The following ITPR2 variants were observed in gnomAD, a reference collection of about 807,000 sequenced individuals.
ITPR2 encodes inositol 1,4,5-trisphosphate-gated calcium channel ITPR2.
In ITPR2, 207 loss-of-function variants were observed where a neutral mutation model predicts 317.1. That is an observed-to-expected ratio of 0.65 (90% confidence interval 0.58 to 0.73). ITPR2 has a LOEUF of 0.73. Among genes scored for constraint, ITPR2 ranks in the 30% least tolerant of loss-of-function variants. The pLI, the probability that ITPR2 is intolerant of heterozygous loss-of-function variation, is 0.00. For synonymous variants in ITPR2, 1,156 were observed against 1,149.1 expected, an observed-to-expected ratio of 1.01 and a Z score of -0.12; for missense variants, 2,613 against 3,284.0, an observed-to-expected ratio of 0.80 and a Z score of 4.99.
At chr12:26,512,184 TAAA>T (rs55699727) in intron 37 of ITPR2, among the ~76,000 whole-genome samples, 5,243 of 136,192 alleles carry the variant, frequency 0.038, 163 homozygotes, top group African/African-American at 0.093. Flanking sequence ...GCTACAAAGA[TAAA>T]AAAAAAAAAA....
intron 9 of ITPR2, among the ~76,000 whole-genome samples, chr12:26,697,783 A>T (rs1484186828): frequency 2.0e-5 from 3 of 151,758 alleles, no homozygotes; most frequent in Admixed American, 6.6e-5. Flanking sequence ...ACGAAGTGAG[A>T]CTCTGTCTCA....
At position 26,556,556 on chromosome 12, in the gene ITPR2, ATTTT is replaced by A. The variant is rs11312773; in HGVS notation, c.4822-185_4822-182del. Among the ~76,000 whole-genome samples, 1,143 of 133,860 alleles carry A rather than the reference ATTTT, an allele frequency of 8.5e-3. 17 individuals are homozygous for A. The highest frequency in any genetic ancestry group is 0.032 in the African/African-American group (1,078 of 33,286). 87.8% of individuals were successfully genotyped at this position (133,860 alleles called of 152,430 possible). ...ATGTAAGAATATTGCCTGGGTCTCT[ATTTT>A]TTTTTTTGTGTGTGTGTGTGTGTGT... On this transcript the variant is annotated intron_variant, in intron 35 of 56. Coordinates refer to ENST00000381340, the MANE Select transcript of ITPR2 (RefSeq NM_002223.4).
At chr12:26,349,807 G>A (rs989528204) in intron 55 of ITPR2, among the ~76,000 whole-genome samples, 3 of 152,308 alleles carry the variant, frequency 2.0e-5, no homozygotes, top group African/African-American at 4.8e-5. Context: ...TTCCAGGGAC[G>A]AGCCTATTTA....
chr12:26,421,440 G>A (rs1363020980), intron 49 of ITPR2: 1 of 152,176 alleles, frequency 6.6e-6, no homozygotes, highest in Non-Finnish European at 1.5e-5. Flanking sequence ...GTGTTCATAT[G>A]AAGGGGAAAT....
chr12:26,804,874 A>G (rs1690933341), intron 1 of ITPR2, among the ~76,000 whole-genome samples: 1 of 152,110 alleles, frequency 6.6e-6, no homozygotes, highest in Admixed American at 6.5e-5. Flanking sequence ...AGTTGAGACT[A>G]CAGGCGTGCA....
At chr12:26,793,724 C>A (rs896780505) in intron 1 of ITPR2, among the ~76,000 whole-genome samples, 14 of 152,102 alleles carry the variant, frequency 9.2e-5, no homozygotes, top group Non-Finnish European at 1.8e-4. Flanking sequence ...ATCAGTGATG[C>A]TATTTTTGGT....
At chr12:26,395,763 T>G (rs1939978412) in intron 54 of ITPR2, among the ~76,000 whole-genome samples, 1 of 152,200 alleles carries the variant, frequency 6.6e-6, no homozygotes, top group Non-Finnish European at 1.5e-5. Flanking sequence ...TTGGTTATGC[T>G]TGAATGAGAA....
intron 9 of ITPR2, among the ~76,000 whole-genome samples, chr12:26,701,722 TAG>T (rs1948449421): frequency 6.6e-6 from 1 of 152,212 alleles, no homozygotes; most frequent in African/African-American, 2.4e-5. Context: ...TATGCTATTA[TAG>T]AGTTTCTTGA....
intron 37 of ITPR2, among the ~76,000 whole-genome samples, chr12:26,531,076 A>G (rs537732556): frequency 6.6e-6 from 1 of 152,242 alleles, no homozygotes; most frequent in Non-Finnish European, 1.5e-5. Flanking sequence ...TTTATCTTAA[A>G]TACCCTTAAG....
chr12:26,548,823 T>C (rs1354320006), intron 37 of ITPR2, among the ~76,000 whole-genome samples: 1 of 152,152 alleles, frequency 6.6e-6, no homozygotes, highest in East Asian at 1.9e-4. Flanking sequence ...GCAGTGGGAA[T>C]GGAAAGGAGA....
At chr12:26,691,905 C>T (rs1241503645) in intron 10 of ITPR2, among the ~76,000 whole-genome samples, 1 of 151,966 alleles carries the variant, frequency 6.6e-6, no homozygotes, top group Non-Finnish European at 1.5e-5. Context: ...TTTATGTAAC[C>T]GCACACAACA....
At chr12:26,433,192 T>A (rs1941260380) in intron 48 of ITPR2, among the ~76,000 whole-genome samples, 1 of 152,184 alleles carries the variant, frequency 6.6e-6, no homozygotes, top group Admixed American at 6.6e-5. Flanking sequence ...ACCTTGGGGT[T>A]TGATATTGCC....
rs1945950359 is a variant in ITPR2 at position 26,599,813 on chromosome 12, T to A, written c.3801+174A>T. ...GTAAAACTTGTGCAATTTTTCAAGT[T>A]TCTTTAAAAGTTTCCTTAATGAAAA... is the stretch of plus-strand genomic sequence containing the variant. On this transcript the variant is annotated intron_variant, in intron 29 of 56. Transcript: ENST00000381340. Among the ~76,000 whole-genome samples the A allele has an allele frequency of 2.0e-5, 3 of 151,376 alleles. No homozygotes were observed. The Admixed American group carries it at 2.0e-4, about 10-fold the overall frequency.
At chr12:26,503,004 A>G (rs1287438765) in intron 37 of ITPR2, among the ~76,000 whole-genome samples, 4 of 152,090 alleles carry the variant, frequency 2.6e-5, no homozygotes, top group African/African-American at 7.2e-5. Context: ...CCTGCTCTAT[A>G]TTGGCCTTCC....
At chr12:26,556,595 T>TGTGTG (rs371116702) in intron 35 of ITPR2, among the ~76,000 whole-genome samples, 1 of 145,824 alleles carries the variant, frequency 6.9e-6, no homozygotes, top group Admixed American at 6.8e-5. Flanking sequence ...TGTGTGTGTG[T>TGTGTG]TTTTGTTTAT....
chr12:26,682,569 T>C lies in ITPR2; in HGVS notation c.1248+5A>G, dbSNP rs777608566. ...GAAAATTAAACCATCTTCAGTGACA[T>C]TTACCTTTAACATAACAGGCCTCTC... On this transcript the variant is annotated splice_donor_5th_base_variant and intron_variant, in intron 12 of 56. Transcript: ENST00000381340. 5 of 1,579,576 alleles carry C rather than the reference T, an allele frequency of 3.2e-6. No homozygotes were observed. In the Admixed American group the frequency reaches 6.9e-5, roughly 22 times the overall value.
intron 52 of ITPR2, among the ~76,000 whole-genome samples, chr12:26,410,450 G>A (rs575866628): frequency 4.6e-5 from 7 of 152,242 alleles, no homozygotes; most frequent in African/African-American, 1.4e-4. Context: ...GGAAAAGGCC[G>A]TTTAGGAAAG....
chr12:26,354,060 G>A (rs1938559370), intron 55 of ITPR2, among the ~76,000 whole-genome samples: 1 of 152,266 alleles, frequency 6.6e-6, no homozygotes, highest in African/African-American at 2.4e-5. Context: ...GATCACCTGA[G>A]GTCAGGAGTT....
chr12:26,805,743 G>A (rs1400761985), intron 1 of ITPR2, among the ~76,000 whole-genome samples: 3 of 49,800 alleles, frequency 6.0e-5, no homozygotes, highest in East Asian at 8.7e-4. Flanking sequence ...CAGTGGGACC[G>A]TGTTCACTAT....
Sources: allele counts gnomAD v4.1 joint callset (sites outside exome capture counted in the v4.1 genomes callset), GRCh38; gene constraint gnomAD v4.1.1; transcripts MANE v1.5; gene names NCBI Gene and HGNC (gene_info 2026-07-23, HGNC 2026-07-21).